The following CTNNA3 variants were observed in gnomAD, a reference collection of about 807,000 sequenced individuals.
CTNNA3 encodes catenin alpha 3.
CTNNA3 carries 76 observed loss-of-function variants against 95.7 expected under a neutral mutation model. That is an observed-to-expected ratio of 0.79 (90% CI 0.66 to 0.96). CTNNA3 has a LOEUF of 0.96. CTNNA3 is among the 40% of genes least tolerant of loss of function. CTNNA3 has a pLI of 0.00. For synonymous variants in CTNNA3, 431 were observed against 374.4 expected, an observed-to-expected ratio of 1.15 and a Z score of -1.74; for missense variants, 1,191 against 1,089.8, an observed-to-expected ratio of 1.09 and a Z score of -1.31.
At chr10:66,948,335 T>C (rs1345254949) in intron 7 of CTNNA3, among the ~76,000 whole-genome samples, 1 of 152,170 alleles carries the variant, frequency 6.6e-6, no homozygotes, top group Admixed American at 6.6e-5. Context: ...AAAGATATTT[T>C]CCAACAAGCA....
chr10:67,163,733 A>T (rs990753394), intron 7 of CTNNA3, among the ~76,000 whole-genome samples: 6 of 152,004 alleles, frequency 3.9e-5, no homozygotes, highest in African/African-American at 1.4e-4. Flanking sequence ...AATCCCAAGG[A>T]ATCCACCAAA....
chr10:65,935,476 G>T (rs949923967), intron 17 of CTNNA3, among the ~76,000 whole-genome samples: 5 of 152,098 alleles, frequency 3.3e-5, no homozygotes, highest in African/African-American at 1.2e-4. Context: ...AACTTGTCCT[G>T]TGCTAGAGTT....
chr10:67,042,185 G>A (rs1285792480), intron 7 of CTNNA3, among the ~76,000 whole-genome samples: 1 of 152,128 alleles, frequency 6.6e-6, no homozygotes, highest in Admixed American at 6.6e-5. Flanking sequence ...GAACAAACCT[G>A]GATGTTAGAG....
At chr10:66,844,210 T>C (rs1254505761) in intron 7 of CTNNA3, among the ~76,000 whole-genome samples, 2 of 152,238 alleles carry the variant, frequency 1.3e-5, no homozygotes, top group South Asian at 4.1e-4. Flanking sequence ...TAAATCCGAA[T>C]GACTACTCTT....
At chr10:66,812,791 C>T (rs902015291) in intron 7 of CTNNA3, among the ~76,000 whole-genome samples, 1 of 152,100 alleles carries the variant, frequency 6.6e-6, no homozygotes, top group Non-Finnish European at 1.5e-5. Context: ...AAAGCCAGTC[C>T]AGAAATTCTA....
Position 66,777,762 on chromosome 10 carries a change from T to TACACACACACAC in CTNNA3, c.1048-2250_1048-2239dup, listed in dbSNP as rs372712619. Reference sequence around the variant, plus strand: ...AAGTGGGACAGACAAAGAGACCTCCTACACACACACACACACACACACACA... The same window carrying TACACACACACAC: ...AAGTGGGACAGACAAAGAGACCTCCTACACACACACACACACACACACACACACACACACACA... On this transcript the variant is annotated intron_variant, in intron 7 of 17. Coordinates refer to ENST00000433211, the MANE Select transcript of CTNNA3 (RefSeq NM_013266.4). Among the ~76,000 whole-genome samples the TACACACACACAC allele has an allele frequency of 3.0e-3, 408 of 136,936 alleles. 3 individuals are homozygous for TACACACACACAC. Among genetic ancestry groups the TACACACACACAC allele is most frequent in the African/African-American group, 0.011 (387 of 35,912 alleles). The allele number at this position is 136,936 out of a possible 152,430, so 89.8% of individuals were successfully genotyped here. A position where few individuals can be genotyped will look rare whatever the true frequency, so the allele number is the denominator to read the frequency against.
At chr10:66,606,076 A>G (rs1844111006) in intron 10 of CTNNA3, among the ~76,000 whole-genome samples, 1 of 152,196 alleles carries the variant, frequency 6.6e-6, no homozygotes, top group Non-Finnish European at 1.5e-5. Context: ...AAAGGAATGG[A>G]GAAAAATTTA....
intron 10 of CTNNA3, among the ~76,000 whole-genome samples, chr10:66,527,279 A>G (rs1841303072): frequency 6.6e-6 from 1 of 152,106 alleles, no homozygotes; most frequent in Admixed American, 6.6e-5. Context: ...ATTTATCTAT[A>G]TGTCTGTATC....
At chr10:67,289,573 C>T (rs1839749896) in intron 5 of CTNNA3, among the ~76,000 whole-genome samples, 1 of 152,100 alleles carries the variant, frequency 6.6e-6, no homozygotes, top group Non-Finnish European at 1.5e-5. Context: ...AGATCTCTTA[C>T]CACAAAGAAG....
intron 5 of CTNNA3, among the ~76,000 whole-genome samples, chr10:67,521,344 C>T (rs1465100221): frequency 6.6e-6 from 1 of 152,122 alleles, no homozygotes; most frequent in Admixed American, 6.5e-5. Context: ...GTAAATCTTC[C>T]TTCAATCTTC....
chr10:66,387,907 G>T (rs890222790), intron 11 of CTNNA3, among the ~76,000 whole-genome samples: 20 of 152,076 alleles, frequency 1.3e-4, no homozygotes, highest in Non-Finnish European at 2.2e-4. Flanking sequence ...AGATCACCTG[G>T]ACACAGGGTG....
chr10:66,729,966 C>T (rs978348468), intron 9 of CTNNA3, among the ~76,000 whole-genome samples: 12 of 151,664 alleles, frequency 7.9e-5, no homozygotes, highest in Non-Finnish European at 7.4e-5. Context: ...ATTAGCCAGG[C>T]GTGGTGGCAG....
chr10:66,974,003 C>T (rs1436771309), intron 7 of CTNNA3, among the ~76,000 whole-genome samples: 1 of 152,020 alleles, frequency 6.6e-6, no homozygotes, highest in Non-Finnish European at 1.5e-5. Flanking sequence ...TAGGTTTTAC[C>T]AACTGTATAC....
intron 11 of CTNNA3, among the ~76,000 whole-genome samples, chr10:66,518,121 C>T (rs1307774952): frequency 1.3e-5 from 2 of 152,004 alleles, no homozygotes; most frequent in Admixed American, 6.6e-5. Flanking sequence ...TTTAAGTAAC[C>T]TTTACATGAG....
chr10:66,415,496 A>C (rs1248563487), intron 11 of CTNNA3, among the ~76,000 whole-genome samples: 1 of 151,954 alleles, frequency 6.6e-6, no homozygotes, highest in Non-Finnish European at 1.5e-5. Flanking sequence ...CCAAGAACCC[A>C]CTTACCTGCT....
intron 9 of CTNNA3, among the ~76,000 whole-genome samples, chr10:66,654,430 G>A (rs1318440521): frequency 6.6e-6 from 1 of 152,026 alleles, no homozygotes; most frequent in African/African-American, 2.4e-5. Flanking sequence ...TGTTACAATG[G>A]CTATTATCAA....
chr10:67,655,084 T>C lies in CTNNA3; in HGVS notation c.-5-7566A>G, dbSNP rs187069512. On this transcript the variant is annotated intron_variant, in intron 1 of 17. Coordinates refer to ENST00000433211, the MANE Select transcript of CTNNA3 (RefSeq NM_013266.4). ...CCATGTTTTCTCCTGATAAGTACTA[T>C]ACATCATCTCTATTAACATGGTTCT... Among the ~76,000 whole-genome samples, 81 of 152,358 alleles carry C rather than the reference T, an allele frequency of 5.3e-4. 2 individuals carry two copies. The highest frequency in any genetic ancestry group is 1.9e-3 in the African/African-American group (77 of 41,592).
chr10:67,720,906 A>G (rs1012286898), intron 1 of CTNNA3, among the ~76,000 whole-genome samples: 1 of 152,152 alleles, frequency 6.6e-6, no homozygotes, highest in Non-Finnish European at 1.5e-5. Context: ...GTGAGCCGAG[A>G]TCATGCCACT....
intron 13 of CTNNA3, among the ~76,000 whole-genome samples, chr10:66,176,595 C>G (rs1025187415): frequency 5.9e-5 from 9 of 152,000 alleles, no homozygotes; most frequent in South Asian, 2.1e-4. Flanking sequence ...TCCTACCCCA[C>G]AAGATGACAG....
Sources: gnomAD v4.1 joint callset for allele counts (sites outside exome capture counted in the v4.1 genomes callset) on GRCh38, gnomAD v4.1.1 for gene constraint, MANE v1.5 for transcripts, NCBI Gene and HGNC (gene_info 2026-07-23, HGNC 2026-07-21) for gene names.